The following PDPK1 variants were observed in gnomAD, a reference collection of about 807,000 sequenced individuals.
PDPK1 encodes the protein 3-phosphoinositide dependent protein kinase 1, also known as 3-phosphoinositide-dependent protein kinase 1.
Under a neutral mutation model 39.8 loss-of-function variants are expected in PDPK1, and 7 were observed. The ratio of observed to expected loss-of-function variants is 0.18; its 90% CI spans 0.10 to 0.33. The LOEUF is 0.33. PDPK1 is among the 10% of genes least tolerant of loss of function. The pLI is 1.00. For synonymous variants in PDPK1, 118 were observed against 159.1 expected (o/e 0.74, Z 1.95); for missense variants, 182 against 384.7 (o/e 0.47, Z 4.41).
At position 2,586,773 on chromosome 16, in the gene PDPK1, C is replaced by T. The variant is rs758443705; in HGVS notation, c.1223C>T (p.Ser408Leu). ...TCCGACACGGGCCTGCCCCAGAGGT[C>T]AGGCAGCAACATAGAGCAGTACATT... ...SASDTGLPQR[S>L]GSNIEQYIHD... The change falls in exon 11 of 14, where the codon TCA (serine) becomes TTA (leucine). Residue 408 changes from serine to leucine, a missense_variant. Ser to Leu is a moderately radical substitution (Grantham distance 145, BLOSUM62 -2). Coordinates refer to ENST00000342085, the MANE Select transcript of PDPK1 (RefSeq NM_002613.5). 3.1e-6 allele frequency: 5 copies of T among 1,614,256 alleles called. No individual in the cohort carries two copies. Among genetic ancestry groups the T allele is most frequent in the East Asian group, 4.5e-5 (2 of 44,892 alleles).
intron 1 of PDPK1, among the ~76,000 whole-genome samples, chr16:2,546,111 T>G (rs1187342029): frequency 6.6e-6 from 1 of 151,842 alleles, no homozygotes. Context: ...CAAGATGGAG[T>G]CTCACTCTGT....
chr16:2,591,611 T>C (rs930681806), intron 11 of PDPK1, among the ~76,000 whole-genome samples: 1 of 152,214 alleles, frequency 6.6e-6, no homozygotes, highest in African/African-American at 2.4e-5. Flanking sequence ...TCTAGCTGTT[T>C]ATCTGAGTGA....
chr16:2,560,973 C>T (rs1446657123), intron 2 of PDPK1, among the ~76,000 whole-genome samples: 1 of 151,550 alleles, frequency 6.6e-6, no homozygotes, highest in East Asian at 1.9e-4. Context: ...GGTTTAGCTC[C>T]CTCTGTCCTT....
chr16:2,602,758 CTG>C lies in PDPK1; in HGVS notation c.*4994_*4995del, dbSNP rs771759264. 2.1e-5 allele frequency: 5 copies of C among 234,508 alleles called. No individual in the cohort carries two copies. The highest frequency in any genetic ancestry group is 6.0e-5 in the East Asian group (1 of 16,562). 14.5% of individuals were successfully genotyped at this position (234,508 alleles called of 1,614,324 possible). ...TTCTCTACCTGGTCTGTAGCTGTAA[CTG>C]TGATGTACAGACAAAGCAAAAATTA... On this transcript the variant is annotated 3_prime_UTR_variant, in exon 14 of 14. Transcript: ENST00000342085.
At chr16:2,592,944 C>T (rs1597072277) in intron 11 of PDPK1, 2 of 456,638 alleles carry the variant, frequency 4.4e-6, no homozygotes, top group Non-Finnish European at 8.8e-6. Flanking sequence ...CGTGTTCTGT[C>T]ACTGAGCCAC....
In PDPK1 at chr16:2,541,590, C is replaced by T. The variant is rs554983239; in HGVS notation, c.24+3454C>T. 2.7e-4 allele frequency among the ~76,000 whole-genome samples: 41 copies of T among 152,226 alleles called. 1 individual carries two copies. The South Asian group carries it at 7.3e-3, about 27-fold the overall frequency. On this transcript the variant is annotated intron_variant, in intron 1 of 13. Transcript: ENST00000342085. ...ACAGTCCCCCAAGCAGGTGCGAGGG[C>T]CAGGGTGCTCTATGCTGCTCCACAC...
At chr16:2,561,057 C>T (rs1286260667) in intron 2 of PDPK1, among the ~76,000 whole-genome samples, 9,392 of 137,954 alleles carry the variant, frequency 0.068, 34 homozygotes, top group Middle Eastern at 0.095. Context: ...TTTCCAAAAA[C>T]GAAACTTCAG....
chr16:2,538,860 C>G (rs1251904818), intron 1 of PDPK1: 6 of 901,670 alleles, frequency 6.7e-6, no homozygotes, highest in Middle Eastern at 4.4e-4. Flanking sequence ...TCTATATTTT[C>G]TCTCTATCGC....
At chr16:2,590,807 G>C (rs1340685915) in intron 11 of PDPK1, among the ~76,000 whole-genome samples, 2 of 152,006 alleles carry the variant, frequency 1.3e-5, no homozygotes, top group Admixed American at 6.6e-5. Context: ...TTTTTTGTTT[G>C]TTTATATTAT....
chr16:2,589,961 A>G (rs546871641), intron 11 of PDPK1, among the ~76,000 whole-genome samples: 2 of 152,328 alleles, frequency 1.3e-5, no homozygotes, highest in East Asian at 3.9e-4. Flanking sequence ...GCCACAGTCC[A>G]CAATGCAGTC....
Position 2,598,228 on chromosome 16 carries a change from T to C in PDPK1, c.*461T>C, listed in dbSNP as rs1208228459. On this transcript the variant is annotated 3_prime_UTR_variant, in exon 14 of 14. Transcript: ENST00000342085. ...CCTCCCGCTGTGGTCCTGGAACTCTTCACCAGGGAGGGAGCCCTGCGGGGG... is the reference window on the plus strand; with the variant it reads ...CCTCCCGCTGTGGTCCTGGAACTCTCCACCAGGGAGGGAGCCCTGCGGGGG... 4.3e-6 allele frequency: 1 copy of C among 232,430 alleles called. No homozygotes were observed. The highest frequency in any genetic ancestry group is 5.7e-5 in the Admixed American group (1 of 17,680). 14.4% of individuals were successfully genotyped at this position (232,430 alleles called of 1,614,324 possible). A position where few individuals can be genotyped will look rare whatever the true frequency, so the allele number is the denominator to read the frequency against.
chr16:2,580,312 G>A (rs570603612), intron 7 of PDPK1, among the ~76,000 whole-genome samples: 49 of 145,302 alleles, frequency 3.4e-4, no homozygotes, highest in Admixed American at 1.3e-3. Context: ...TGTCTGATGC[G>A]CCACCCAACC....
intron 1 of PDPK1, among the ~76,000 whole-genome samples, chr16:2,546,769 C>T (rs1277140056): frequency 6.6e-6 from 1 of 152,078 alleles, no homozygotes; most frequent in Admixed American, 6.5e-5. Context: ...CTAAGGTGTC[C>T]TGTGGCGGCA....
At position 2,586,670 on chromosome 16, in the gene PDPK1, C is replaced by T; in HGVS notation, c.1126-6C>T. On this transcript the variant is annotated splice_region_variant and splice_polypyrimidine_tract_variant and intron_variant, in intron 10 of 13. Transcript: ENST00000342085. ...TGCGGTTCTCACTTTCCCTTCTTCT[C>T]TGCAGTATGACAATCTCCTGAGCCA... 1 of 1,613,568 alleles carries T rather than the reference C, an allele frequency of 6.2e-7. No individual in the cohort carries two copies. The highest frequency in any genetic ancestry group is 8.5e-7 in the Non-Finnish European group (1 of 1,179,620).
At chr16:2,546,860 G>T (rs1457528269) in intron 1 of PDPK1, among the ~76,000 whole-genome samples, 1 of 151,690 alleles carries the variant, frequency 6.6e-6, no homozygotes, top group Non-Finnish European at 1.5e-5. Flanking sequence ...GTGACTGATG[G>T]TCCTTGGGGA....
Position 2,601,765 on chromosome 16 carries a change from T to C in PDPK1, c.*3998T>C. 5.4e-6 allele frequency: 1 copy of C among 184,348 alleles called. No homozygotes were observed. The highest frequency in any genetic ancestry group is 1.1e-5 in the Non-Finnish European group (1 of 88,950). 11.4% of individuals were successfully genotyped at this position (184,348 alleles called of 1,614,324 possible). On this transcript the variant is annotated 3_prime_UTR_variant, in exon 14 of 14. Transcript: ENST00000342085. ...CCCAGCAGCCAGGCTGGCTTTTTCA[T>C]TGTAGGGCGTGGTTGTCCCAGCTGG...
At chr16:2,586,079 TC>T (rs755120487) in intron 10 of PDPK1, among the ~76,000 whole-genome samples, 18 of 152,364 alleles carry the variant, frequency 1.2e-4, no homozygotes, top group Non-Finnish European at 1.8e-4. Context: ...GTTTCCGTTG[TC>T]GACACTAGCT....
intron 1 of PDPK1, chr16:2,550,641 C>T (rs1215822613): frequency 8.8e-4 from 5 of 5,672 alleles, no homozygotes; most frequent in Admixed American, 3.0e-3. Flanking sequence ...GCTGGCAGCC[C>T]GGTTGAGCCT....
rs752063594 is a variant in PDPK1 at position 2,595,789 on chromosome 16, A to G, written c.1344-4A>G. Reference sequence around the variant, plus strand: ...GAGCATCTCTTTCTTGTTTCTTTCCACAGGCACCAGTTTGTAGAAAATAAT... The same window carrying G: ...GAGCATCTCTTTCTTGTTTCTTTCCGCAGGCACCAGTTTGTAGAAAATAAT... On this transcript the variant is annotated splice_polypyrimidine_tract_variant and splice_region_variant and intron_variant, in intron 11 of 13. Coordinates refer to ENST00000342085, the MANE Select transcript of PDPK1 (RefSeq NM_002613.5). The G allele has an allele frequency of 1.2e-6, 2 of 1,610,202 alleles. No homozygotes were observed. Among genetic ancestry groups the G allele is most frequent in the African/African-American group, 1.3e-5 (1 of 74,942 alleles).
Sources: allele counts gnomAD v4.1 joint callset (sites outside exome capture counted in the v4.1 genomes callset), GRCh38; gene constraint gnomAD v4.1.1; transcripts MANE v1.5; gene names NCBI Gene and HGNC (gene_info 2026-07-23, HGNC 2026-07-21).